Variants in CSMD1 observed in about 807,000 individuals in gnomAD.
The protein encoded by CSMD1 is CUB and sushi domain-containing protein 1.
Under a neutral mutation model 417.5 loss-of-function variants are expected in CSMD1, and 213 were observed. That is an observed-to-expected ratio of 0.51 (90% CI 0.46 to 0.57). CSMD1 has a LOEUF of 0.57. Ranked by LOEUF, CSMD1 falls within the 20% of genes least tolerant of loss-of-function variation. The probability of loss-of-function intolerance (pLI) is 0.00; values close to 1 mark genes in which losing one functional copy is unlikely to be tolerated. For synonymous variants in CSMD1, 2,862 were observed against 1,736.8 expected (o/e 1.65, Z -16.11); for missense variants, 6,923 against 4,529.7 (o/e 1.53, Z -15.17).
intron 3 of CSMD1, among the ~76,000 whole-genome samples, chr8:4,324,933 G>C (rs570493630): frequency 2.0e-5 from 3 of 152,200 alleles, no homozygotes; most frequent in Middle Eastern, 3.4e-3. Context: ...GCCTCTTCAC[G>C]GGAAGGAGGC....
At chr8:4,451,345 G>A (rs1051831911) in intron 2 of CSMD1, among the ~76,000 whole-genome samples, 4 of 152,130 alleles carry the variant, frequency 2.6e-5, no homozygotes, top group African/African-American at 9.7e-5. Context: ...GCAAGACCCT[G>A]ACTCAAAATA....
intron 3 of CSMD1, among the ~76,000 whole-genome samples, chr8:4,175,117 A>G (rs898964605): frequency 2.6e-5 from 4 of 152,054 alleles, no homozygotes; most frequent in Admixed American, 1.3e-4. Context: ...AAGAATAATA[A>G]TATCTGAGGA....
intron 24 of CSMD1, 132 bp downstream of exon 24, chr8:3,308,177 TCAG>T (rs778560090): frequency 2.7e-4 from 191 of 700,388 alleles, no homozygotes; most frequent in Non-Finnish European, 4.1e-4. Flanking sequence ...CGTGCAAATC[TCAG>T]AATACATAAA....
chr8:4,700,628 A>G, intron 1 of CSMD1, among the ~76,000 whole-genome samples: 1 of 152,162 alleles, frequency 6.6e-6, no homozygotes, highest in East Asian at 1.9e-4. Context: ...CAACTGACTC[A>G]ATCTATCACA....
chr8:4,425,107 A>G (rs954186906), intron 2 of CSMD1, among the ~76,000 whole-genome samples: 16 of 152,106 alleles, frequency 1.1e-4, no homozygotes, highest in African/African-American at 3.6e-4. Context: ...TAAGTTAGGT[A>G]CAAAATAATG....
At chr8:4,174,541 C>A (rs1410511160) in intron 3 of CSMD1, among the ~76,000 whole-genome samples, 1 of 150,698 alleles carries the variant, frequency 6.6e-6, no homozygotes, top group Non-Finnish European at 1.5e-5. Context: ...ACCCACCTCT[C>A]AAAAGAGATG....
At chr8:2,941,668 G>C (rs771754059) in intron 69 of CSMD1, among the ~76,000 whole-genome samples, 2 of 152,200 alleles carry the variant, frequency 1.3e-5, no homozygotes, top group East Asian at 3.8e-4. Context: ...ACATTTTACA[G>C]TTAGCAGAGT....
chr8:4,378,072 G>C (rs895746956), intron 3 of CSMD1, among the ~76,000 whole-genome samples: 2 of 152,156 alleles, frequency 1.3e-5, no homozygotes, highest in Non-Finnish European at 2.9e-5. Flanking sequence ...TTCAATTACA[G>C]ACTCCGAAGG....
intron 3 of CSMD1, among the ~76,000 whole-genome samples, chr8:4,165,277 G>A (rs976773598): frequency 1.3e-5 from 2 of 152,230 alleles, no homozygotes. Flanking sequence ...AGTTACAGCT[G>A]TTGATCCACT....
At chr8:4,864,828 A>G (rs762569799) in intron 1 of CSMD1, among the ~76,000 whole-genome samples, 4 of 151,232 alleles carry the variant, frequency 2.6e-5, no homozygotes, top group South Asian at 2.1e-4. Flanking sequence ...CATTGTATAT[A>G]ACATTTAAAG....
chr8:4,722,021 G>A (rs535512177), intron 1 of CSMD1, among the ~76,000 whole-genome samples: 8 of 152,250 alleles, frequency 5.3e-5, no homozygotes, highest in South Asian at 4.1e-4. Flanking sequence ...GGCTGGCATC[G>A]AATGAGGAGA....
intron 10 of CSMD1, among the ~76,000 whole-genome samples, chr8:3,544,136 G>A (rs184441632): frequency 6.6e-6 from 1 of 152,116 alleles, no homozygotes; most frequent in Non-Finnish European, 1.5e-5. Flanking sequence ...AGCCTGGGAC[G>A]TGCTGGGCTG....
chr8:4,066,820 A>G (rs1340102475), intron 3 of CSMD1, among the ~76,000 whole-genome samples: 1 of 152,238 alleles, frequency 6.6e-6, no homozygotes, highest in Non-Finnish European at 1.5e-5. Flanking sequence ...AGCGAAAGCG[A>G]CAACACCCAC....
At chr8:4,008,499 A>G (rs1415917652) in intron 4 of CSMD1, among the ~76,000 whole-genome samples, 1 of 150,554 alleles carries the variant, frequency 6.6e-6, no homozygotes, top group Admixed American at 6.6e-5. Flanking sequence ...TTTACACATG[A>G]TGCAGAACAA....
chr8:3,203,492 C>T (rs1383206038), intron 31 of CSMD1, among the ~76,000 whole-genome samples: 2 of 152,170 alleles, frequency 1.3e-5, no homozygotes, highest in African/African-American at 4.8e-5. Context: ...ATGGCACTAT[C>T]AGCAAGAAGG....
At chr8:3,812,294 C>G (rs1801132452) in intron 5 of CSMD1, among the ~76,000 whole-genome samples, 1 of 152,138 alleles carries the variant, frequency 6.6e-6, no homozygotes, top group Non-Finnish European at 1.5e-5. Context: ...GGACTCTAAT[C>G]TCACAGGGTC....
intron 1 of CSMD1, among the ~76,000 whole-genome samples, chr8:4,792,143 C>T (rs1033469883): frequency 2.6e-5 from 4 of 152,084 alleles, no homozygotes; most frequent in African/African-American, 9.7e-5. Context: ...TTATTTTATT[C>T]TTTCCTTCCT....
chr8:4,165,806 T>C lies in CSMD1; in HGVS notation c.416-133707A>G, dbSNP rs566563103. On this transcript the variant is annotated intron_variant, in intron 3 of 69. Transcript: ENST00000635120. ...ACGTGTTGTCACTCCAGCCGCATTA[T>C]GTCACTCTTACTAGGTTGTTGCAAA... Among the ~76,000 whole-genome samples, 13 of 152,380 alleles carry C rather than the reference T, an allele frequency of 8.5e-5. No individual in the cohort carries two copies. In the South Asian group the frequency reaches 1.7e-3, roughly 19 times the overall value.
intron 3 of CSMD1, among the ~76,000 whole-genome samples, chr8:4,074,827 T>C (rs1585257361): frequency 6.6e-6 from 1 of 152,282 alleles, no homozygotes; most frequent in Non-Finnish European, 1.5e-5. Flanking sequence ...GATGCCTTTT[T>C]CTTGGTAGAA....
Sources: gnomAD v4.1 joint callset for allele counts (sites outside exome capture counted in the v4.1 genomes callset) on GRCh38, gnomAD v4.1.1 for gene constraint, MANE v1.5 for transcripts, NCBI Gene and HGNC (gene_info 2026-07-23, HGNC 2026-07-21) for gene names.